NRG1: variants seen among roughly 807,000 people sequenced by gnomAD.
NRG1 encodes the protein pro-neuregulin-1, membrane-bound isoform.
Under a neutral mutation model 63.8 loss-of-function variants are expected in NRG1, and 18 were observed. The ratio of observed to expected loss-of-function variants is 0.28; its 90% CI spans 0.19 to 0.42. NRG1 has a LOEUF of 0.42. Among genes scored for constraint, NRG1 ranks in the 10% least tolerant of loss-of-function variants. The pLI, the probability that NRG1 is intolerant of heterozygous loss-of-function variation, is 1.00. For synonymous variants in NRG1, 302 were observed against 301.3 expected, an observed-to-expected ratio of 1.00 and a Z score of -0.02; for missense variants, 762 against 814.7, an observed-to-expected ratio of 0.94 and a Z score of 0.79.
intron 1 of NRG1, among the ~76,000 whole-genome samples, chr8:31,866,908 G>C (rs1159189844): frequency 6.6e-6 from 1 of 152,070 alleles, no homozygotes; most frequent in African/African-American, 2.4e-5. Flanking sequence ...TTTTAGGAGG[G>C]CACTGTTCCT....
At chr8:32,281,554 T>C (rs1369334433) in intron 1 of NRG1, among the ~76,000 whole-genome samples, 1 of 152,104 alleles carries the variant, frequency 6.6e-6, no homozygotes, top group Non-Finnish European at 1.5e-5. Context: ...ATTGTTCCCT[T>C]CTTTGTCCCC....
At chr8:32,356,812 G>A (rs952541702) in intron 1 of NRG1, among the ~76,000 whole-genome samples, 1 of 151,970 alleles carries the variant, frequency 6.6e-6, no homozygotes, top group African/African-American at 2.4e-5. Context: ...TTTCATCATT[G>A]GGCAGAATGC....
chr8:32,679,006 T>C (rs1181518635), intron 5 of NRG1, among the ~76,000 whole-genome samples: 1 of 151,128 alleles, frequency 6.6e-6, no homozygotes, highest in East Asian at 1.9e-4. Context: ...AAAAAAAAAG[T>C]AGCCTGACTG....
chr8:32,305,304 G>A (rs150441910), intron 1 of NRG1, among the ~76,000 whole-genome samples: 1,604 of 152,016 alleles, frequency 0.011, 9 homozygotes, highest in Middle Eastern at 0.02. Flanking sequence ...GAATTTTTGC[G>A]TTAGTGAATG....
At chr8:32,094,727 C>T (rs776057318) in intron 1 of NRG1, among the ~76,000 whole-genome samples, 52 of 152,118 alleles carry the variant, frequency 3.4e-4, no homozygotes, top group Middle Eastern at 6.8e-3. Flanking sequence ...GGTTCTGTCA[C>T]CTCAGAACTA....
intron 1 of NRG1, among the ~76,000 whole-genome samples, chr8:32,344,327 T>TTTCTTTCC (rs1804472488): frequency 2.4e-5 from 1 of 42,076 alleles, no homozygotes; most frequent in Non-Finnish European, 4.7e-5. Flanking sequence ...CTTCTTTCTC[T>TTTCTTTCC]TTCTTTCTTT....
intron 1 of NRG1, among the ~76,000 whole-genome samples, chr8:31,784,374 G>A (rs140356868): frequency 2.6e-5 from 4 of 152,278 alleles, no homozygotes; most frequent in African/African-American, 4.8e-5. Context: ...GATTTTCCAC[G>A]TGTGGCTCTG....
At chr8:32,302,947 C>T (rs529178727) in intron 1 of NRG1, among the ~76,000 whole-genome samples, 8 of 152,154 alleles carry the variant, frequency 5.3e-5, no homozygotes, top group Admixed American at 3.3e-4. Context: ...TTTCGGAGGC[C>T]GAGGAGGGCG....
In NRG1 at chr8:32,446,067, C is replaced by G. The variant is rs190877074; in HGVS notation, c.38-149761C>G. The stretch of plus-strand genomic sequence containing the variant: ...CTAATTTGTTAAATTCTGGACTAAA[C>G]CTCAGTTTATTTTAACAGCTTTAAC... On this transcript the variant is annotated intron_variant, in intron 1 of 10. Coordinates refer to the NRG1 transcript ENST00000519301. 5.9e-5 allele frequency among the ~76,000 whole-genome samples: 9 copies of G among 152,242 alleles called. No individual in the cohort carries two copies. The East Asian group carries it at 1.4e-3, about 23-fold the overall frequency.
intron 1 of NRG1, among the ~76,000 whole-genome samples, chr8:31,791,205 C>CA (rs35966484): frequency 0.23 from 22,603 of 98,366 alleles, 1,962 homozygotes; most frequent in Middle Eastern, 0.27. Context: ...GAAACTGTGC[C>CA]AAAAAAAAAA....
Position 32,247,878 on chromosome 8 carries a change from A to T in NRG1, c.38-347950A>T, listed in dbSNP as rs553261389. Reference sequence around the variant, plus strand: ...AAAGAAAAAATATTATTAAGAGTAGACTAAGAAGTCAAGAAAATGTTATGT... The same window carrying T: ...AAAGAAAAAATATTATTAAGAGTAGTCTAAGAAGTCAAGAAAATGTTATGT... On this transcript the variant is annotated intron_variant, in intron 1 of 10. Coordinates refer to the NRG1 transcript ENST00000519301. 5.3e-5 allele frequency among the ~76,000 whole-genome samples: 8 copies of T among 152,262 alleles called. No homozygotes were observed. The South Asian group carries it at 1.7e-3, about 32-fold the overall frequency.
Position 31,849,669 on chromosome 8 carries a change from C to T in NRG1, c.37+210238C>T, listed in dbSNP as rs142918485. On this transcript the variant is annotated intron_variant, in intron 1 of 10. Coordinates refer to the NRG1 transcript ENST00000519301. ...GGGTCTTCTGCTGACCCATCTTTGA[C>T]GCTTCCATCACAGGGTGACGATGGG... 2.7e-4 allele frequency among the ~76,000 whole-genome samples: 41 copies of T among 152,278 alleles called. No homozygotes were observed. In the East Asian group the frequency reaches 7.0e-3, roughly 26 times the overall value.
At chr8:32,055,118 G>A (rs1427312047) in intron 1 of NRG1, among the ~76,000 whole-genome samples, 1 of 151,698 alleles carries the variant, frequency 6.6e-6, no homozygotes, top group East Asian at 1.9e-4. Flanking sequence ...TCAAACTCCT[G>A]ACCTCAGGTG....
At position 32,272,891 on chromosome 8, in the gene NRG1, A is replaced by G. The variant is rs531280904; in HGVS notation, c.38-322937A>G. Reference sequence around the variant, plus strand: ...AAACACCTATTGGGACTTTTGTCAAATTATTTAGGGGAAGAAGAAGGTTGA... The same window carrying G: ...AAACACCTATTGGGACTTTTGTCAAGTTATTTAGGGGAAGAAGAAGGTTGA... On this transcript the variant is annotated intron_variant, in intron 1 of 10. Transcript: ENST00000519301. Among the ~76,000 whole-genome samples the G allele has an allele frequency of 1.4e-4, 21 of 152,300 alleles. No individual in the cohort carries two copies. In the South Asian group the frequency reaches 4.3e-3, roughly 32 times the overall value.
At chr8:32,371,368 C>T (rs1303497755) in intron 1 of NRG1, among the ~76,000 whole-genome samples, 1 of 152,182 alleles carries the variant, frequency 6.6e-6, no homozygotes, top group Non-Finnish European at 1.5e-5. Flanking sequence ...ACTGCGTGGT[C>T]TTTGTACTGA....
intron 6 of NRG1, among the ~76,000 whole-genome samples, chr8:32,733,170 C>T (rs921744939): frequency 2.0e-5 from 3 of 152,040 alleles, no homozygotes; most frequent in African/African-American, 7.2e-5. Context: ...TTGTTGGGAC[C>T]ACCAACTATC....
At chr8:31,708,376 T>A (rs1811360625) in intron 1 of NRG1, among the ~76,000 whole-genome samples, 1 of 152,100 alleles carries the variant, frequency 6.6e-6, no homozygotes, top group African/African-American at 2.4e-5. Context: ...CAGAATCACT[T>A]CGTGGAACAG....
At chr8:32,153,362 A>G (rs1837714724) in intron 1 of NRG1, among the ~76,000 whole-genome samples, 1 of 152,156 alleles carries the variant, frequency 6.6e-6, no homozygotes, top group South Asian at 2.1e-4. Flanking sequence ...ACAGAGAATG[A>G]AGGCCAGTAC....
chr8:32,113,846 G>C (rs536051301), intron 1 of NRG1, among the ~76,000 whole-genome samples: 8 of 152,290 alleles, frequency 5.3e-5, no homozygotes, highest in African/African-American at 1.9e-4. Flanking sequence ...TTGTCTCTGT[G>C]TGTATGTGTG....
Sources: gnomAD v4.1 joint callset for allele counts (sites outside exome capture counted in the v4.1 genomes callset) on GRCh38, gnomAD v4.1.1 for gene constraint, MANE v1.5 for transcripts, NCBI Gene and HGNC (gene_info 2026-07-23, HGNC 2026-07-21) for gene names.